The following EAF2 variants were observed in gnomAD, a reference collection of about 807,000 sequenced individuals.
EAF2 encodes ELL associated factor 2.
A neutral mutation model predicts 29.4 loss-of-function variants in EAF2; 29 were observed. The observed-to-expected ratio is 0.99, with a 90% CI of 0.73 to 1.35. EAF2 has a LOEUF of 1.35. Among genes scored for constraint, EAF2 ranks in the 40% most tolerant of loss-of-function variants. The probability of loss-of-function intolerance (pLI) is 0.00; values close to 1 mark genes in which losing one functional copy is unlikely to be tolerated. For missense variants in EAF2, 292 were observed against 312.0 expected, an observed-to-expected ratio of 0.94 and a Z score of 0.48; for synonymous variants, 103 against 102.5, an observed-to-expected ratio of 1.00 and a Z score of -0.03.
At chr3:121,836,115 A>G (rs1327732645) in intron 1 of EAF2, 2 of 152,220 alleles carry the variant, frequency 1.3e-5, no homozygotes, top group Admixed American at 1.3e-4. Flanking sequence ...GATGATATAG[A>G]TTCCAGGAAG....
At chr3:121,873,287 G>A (rs571674243) in intron 5 of EAF2, 1 of 446,226 alleles carries the variant, frequency 2.2e-6, no homozygotes, top group Admixed American at 4.0e-5. Context: ...TTGGCTCACT[G>A]TGTTACCTCT....
At chr3:121,854,315 CAA>C (rs34965578) in intron 2 of EAF2, among the ~76,000 whole-genome samples, 1 of 104,388 alleles carries the variant, frequency 9.6e-6, no homozygotes. Context: ...GACTCTGTCT[CAA>C]AAAAAAAAAA....
rs1000708659 is a variant in EAF2 at position 121,836,725 on chromosome 3, G to C, written c.106+1334G>C. 1.1e-5 allele frequency: 11 copies of C among 987,474 alleles called. No individual in the cohort carries two copies. In the African/African-American group the frequency reaches 1.4e-4, roughly 13 times the overall value. The allele number at this position is 987,474 out of a possible 1,614,324, so 61.2% of individuals were successfully genotyped here. A position where few individuals can be genotyped will look rare whatever the true frequency, so the allele number is the denominator to read the frequency against. On this transcript the variant is annotated intron_variant, in intron 1 of 5. Coordinates refer to ENST00000273668, the MANE Select transcript of EAF2 (RefSeq NM_018456.6). ...CCCATTTTCCGGAAGTGTGATATGC[G>C]TCTTTATCTGGTTTTTCCATGCCTT...
chr3:121,860,225 G>A (rs988957890), intron 4 of EAF2, among the ~76,000 whole-genome samples: 17 of 152,154 alleles, frequency 1.1e-4, no homozygotes, highest in Non-Finnish European at 1.2e-4. Context: ...CTATCGATTG[G>A]AATAGTTTCA....
chr3:121,872,528 T>G lies in EAF2; in HGVS notation c.485-9T>G. 1 of 1,579,744 alleles carries G rather than the reference T, an allele frequency of 6.3e-7. No homozygotes were observed. The highest frequency in any genetic ancestry group is 8.6e-7 in the Non-Finnish European group (1 of 1,159,188). ...TTAACCTATCTATTCATTTCTGTCT[T>G]ATTTTCAGAACTGAAGGCAGAAGCT... On this transcript the variant is annotated splice_polypyrimidine_tract_variant and intron_variant, in intron 4 of 5. Coordinates refer to ENST00000273668, the MANE Select transcript of EAF2 (RefSeq NM_018456.6).
Position 121,872,762 on chromosome 3 carries a change from A to G in EAF2, c.710A>G (p.Asn237Ser), listed in dbSNP as rs775442349. Residue 237 changes from asparagine to serine, a missense_variant, in exon 5 of 6, where the codon AAC becomes AGC. Transcript: ENST00000273668. ...GCCAGTCATAATAGATTTCGAGACA[A>G]CAGTGGCCTTCTGATGAATACTTTA... is the stretch of plus-strand genomic sequence containing the variant. ...IDASHNRFRD[N>S]SGLLMNTLRN... 1.2e-6 allele frequency: 2 copies of G among 1,612,116 alleles called. No homozygotes were observed. The highest frequency in any genetic ancestry group is 1.7e-6 in the Non-Finnish European group (2 of 1,178,812).
intron 1 of EAF2, chr3:121,836,900 G>A (rs1174369127): frequency 4.9e-6 from 3 of 606,768 alleles, no homozygotes; most frequent in East Asian, 1.4e-4. Flanking sequence ...ATTCTCTTAT[G>A]TAGGGCACAA....
At chr3:121,873,632 T>C (rs1709053457) in intron 5 of EAF2, among the ~76,000 whole-genome samples, 2 of 151,910 alleles carry the variant, frequency 1.3e-5, no homozygotes, top group South Asian at 4.1e-4. Context: ...TACTTTTTAA[T>C]AGCTTGTAAT....
At chr3:121,873,177 T>C (rs1048691573) in intron 5 of EAF2, 1 of 603,482 alleles carries the variant, frequency 1.7e-6, no homozygotes, top group African/African-American at 1.9e-5. Context: ...TTTATATCTC[T>C]GATTCAAACC....
At chr3:121,844,731 A>T (rs548999706) in intron 2 of EAF2, among the ~76,000 whole-genome samples, 184 bp downstream of exon 2, 4 of 152,342 alleles carry the variant, frequency 2.6e-5, no homozygotes, top group African/African-American at 9.6e-5. Flanking sequence ...TCCATTTAAT[A>T]GTTCCAAGAA....
At position 121,847,869 on chromosome 3, in the gene EAF2, C is replaced by A. The variant is rs529721610; in HGVS notation, c.201+3322C>A. On this transcript the variant is annotated intron_variant, in intron 2 of 5. Coordinates refer to ENST00000273668, the MANE Select transcript of EAF2 (RefSeq NM_018456.6). ...TCTTCTGGGGGTGACCTTTATTAGTCCATCTCTTGGAGCTAGACATCCTAT... is the reference window on the plus strand; with the variant it reads ...TCTTCTGGGGGTGACCTTTATTAGTACATCTCTTGGAGCTAGACATCCTAT... Among the ~76,000 whole-genome samples the A allele has an allele frequency of 5.9e-5, 9 of 152,168 alleles. No individual in the cohort carries two copies. In the South Asian group the frequency reaches 1.9e-3, roughly 32 times the overall value.
intron 4 of EAF2, among the ~76,000 whole-genome samples, chr3:121,860,915 C>T (rs1263446941): frequency 6.6e-6 from 1 of 152,158 alleles, no homozygotes; most frequent in Non-Finnish European, 1.5e-5. Flanking sequence ...TTTCTGCCTT[C>T]ATTTTGTTAT....
At chr3:121,842,097 T>C (rs1222001647) in intron 1 of EAF2, among the ~76,000 whole-genome samples, 4 of 152,016 alleles carry the variant, frequency 2.6e-5, no homozygotes, top group Non-Finnish European at 5.9e-5. Context: ...GGCAGGAGAA[T>C]CGCTCGAACC....
chr3:121,882,121 G>C (rs1709199364), intron 5 of EAF2, among the ~76,000 whole-genome samples: 1 of 152,090 alleles, frequency 6.6e-6, no homozygotes, highest in Non-Finnish European at 1.5e-5. Flanking sequence ...GGACGAGGCA[G>C]GTGGGTCACT....
intron 5 of EAF2, among the ~76,000 whole-genome samples, chr3:121,884,924 G>GAT (rs1242605100): frequency 2.0e-5 from 3 of 152,188 alleles, no homozygotes; most frequent in African/African-American, 7.2e-5. Context: ...CTACCTAAGT[G>GAT]ATTTCATTCA....
chr3:121,841,217 A>T (rs947172177), intron 1 of EAF2, among the ~76,000 whole-genome samples: 1 of 152,184 alleles, frequency 6.6e-6, no homozygotes, highest in African/African-American at 2.4e-5. Flanking sequence ...TAGAAAGTTG[A>T]GGACTACCGG....
chr3:121,861,553 C>G (rs554008159), intron 4 of EAF2, among the ~76,000 whole-genome samples: 23 of 151,972 alleles, frequency 1.5e-4, no homozygotes, highest in Non-Finnish European at 3.2e-4. Context: ...TTATTTTGAG[C>G]CTATGTGTGT....
chr3:121,860,528 T>C (rs901039705), intron 4 of EAF2, among the ~76,000 whole-genome samples: 11 of 152,250 alleles, frequency 7.2e-5, no homozygotes, highest in Non-Finnish European at 1.5e-4. Flanking sequence ...CCGTTTATCA[T>C]TTGTTATTGT....
intron 1 of EAF2, among the ~76,000 whole-genome samples, chr3:121,841,483 C>A (rs1708423374): frequency 8.5e-6 from 1 of 117,652 alleles, no homozygotes; most frequent in Admixed American, 1.1e-4. Flanking sequence ...CCATCCTAGG[C>A]GGCAGAGGGA....
Sources: gnomAD v4.1 joint callset for allele counts (sites outside exome capture counted in the v4.1 genomes callset) on GRCh38, gnomAD v4.1.1 for gene constraint, MANE v1.5 for transcripts, NCBI Gene and HGNC (gene_info 2026-07-23, HGNC 2026-07-21) for gene names.